Variants in TEAD1 observed in about 807,000 individuals in gnomAD.
TEAD1 encodes the protein TEA domain transcription factor 1.
Under a neutral mutation model 54.9 loss-of-function variants are expected in TEAD1, and 9 were observed. The observed-to-expected ratio is 0.16, with a 90% CI of 0.10 to 0.29. TEAD1 has a LOEUF of 0.29. Among genes scored for constraint, TEAD1 ranks in the 10% least tolerant of loss-of-function variants. The pLI is 1.00. For missense variants in TEAD1, 387 were observed against 535.9 expected (o/e 0.72, Z 2.74); for synonymous variants, 200 against 187.8 (o/e 1.07, Z -0.53).
chr11:12,879,232 G>A (rs961428457), intron 5 of TEAD1, among the ~76,000 whole-genome samples: 1 of 152,198 alleles, frequency 6.6e-6, no homozygotes, highest in Non-Finnish European at 1.5e-5. Context: ...TGGGACCATG[G>A]CCCTGTGACA....
chr11:12,799,387 G>A (rs1219003940), intron 3 of TEAD1, among the ~76,000 whole-genome samples: 3 of 152,136 alleles, frequency 2.0e-5, no homozygotes, highest in Non-Finnish European at 4.4e-5. Context: ...CTAAATGCCT[G>A]TGATTCCCAA....
chr11:12,764,046 G>A (rs1945154052), intron 2 of TEAD1, 133 bp from the exon 3 acceptor site: 2 of 640,392 alleles, frequency 3.1e-6, no homozygotes, highest in Non-Finnish European at 5.2e-6. Flanking sequence ...AAAACCATGT[G>A]TATCCCCAAA....
intron 2 of TEAD1, among the ~76,000 whole-genome samples, chr11:12,754,051 G>A (rs534764036): frequency 6.6e-6 from 1 of 152,268 alleles, no homozygotes; most frequent in South Asian, 2.1e-4. Context: ...ATGTGTATGA[G>A]TTTGTTTCTA....
chr11:12,907,264 T>C (rs1190928411), intron 10 of TEAD1, among the ~76,000 whole-genome samples: 1 of 152,182 alleles, frequency 6.6e-6, no homozygotes, highest in Non-Finnish European at 1.5e-5. Context: ...CATTGAGGTG[T>C]GTTGCAGCTG....
chr11:12,916,390 A>G (rs1469677690), intron 10 of TEAD1, among the ~76,000 whole-genome samples: 1 of 152,144 alleles, frequency 6.6e-6, no homozygotes, highest in Non-Finnish European at 1.5e-5. Context: ...TATTGATTAC[A>G]GACTCTTGTC....
At position 12,742,530 on chromosome 11, in the gene TEAD1, TTAATAA is replaced by T. The variant is rs777077321; in HGVS notation, c.-54-21644_-54-21639del. ...CTGGTGCATAACATGGTGACTGTAG[TTAATAA>T]TAATTATGGTATATTTCAAAATGGC... is the stretch of plus-strand genomic sequence containing the variant. On this transcript the variant is annotated intron_variant, in intron 2 of 12. Coordinates refer to ENST00000527636, the MANE Select transcript of TEAD1 (RefSeq NM_021961.6). Among the ~76,000 whole-genome samples the T allele has an allele frequency of 3.7e-4, 57 of 152,276 alleles. 1 individual carries two copies. Among genetic ancestry groups the T allele is most frequent in the South Asian group, 1.7e-3 (8 of 4,820 alleles).
At chr11:12,917,175 A>G (rs1948730199) in intron 10 of TEAD1, among the ~76,000 whole-genome samples, 1 of 152,286 alleles carries the variant, frequency 6.6e-6, no homozygotes, top group South Asian at 2.1e-4. Flanking sequence ...AGAGGGAGAC[A>G]AAAAAAGACA....
chr11:12,901,898 C>G (rs761687928), intron 9 of TEAD1, 42 bp from the exon 10 acceptor site: 3 of 1,613,694 alleles, frequency 1.9e-6, no homozygotes, highest in Admixed American at 1.7e-5. Flanking sequence ...CCAGGTTGAT[C>G]AAAGAGTTTG....
intron 3 of TEAD1, among the ~76,000 whole-genome samples, chr11:12,804,019 G>A (rs1946118553): frequency 6.6e-6 from 1 of 152,182 alleles, no homozygotes; most frequent in African/African-American, 2.4e-5. Flanking sequence ...GTAATTAGAT[G>A]CCTAAGTATG....
chr11:12,872,283 C>G (rs1291738823), intron 5 of TEAD1, among the ~76,000 whole-genome samples: 1 of 152,188 alleles, frequency 6.6e-6, no homozygotes, highest in African/African-American at 2.4e-5. Context: ...CCACTCTGCT[C>G]CTTCAGGACT....
chr11:12,834,542 G>A (rs1326191629), intron 3 of TEAD1, among the ~76,000 whole-genome samples: 1 of 152,200 alleles, frequency 6.6e-6, no homozygotes, highest in Non-Finnish European at 1.5e-5. Context: ...TATGGGAAGT[G>A]TGTTGCACAA....
rs1946549883 is a variant in TEAD1 at position 12,821,762 on chromosome 11, A to G, written c.203-40488A>G. 2.6e-5 allele frequency among the ~76,000 whole-genome samples: 4 copies of G among 152,208 alleles called. No individual in the cohort carries two copies. In the South Asian group the frequency reaches 8.3e-4, roughly 32 times the overall value. On this transcript the variant is annotated intron_variant, in intron 3 of 12. Transcript: ENST00000527636. ...ACCTGTGTGGAACCTATGGCCGGAT[A>G]TGAATTATCCAGTATTAGCATTGAT... is the stretch of plus-strand genomic sequence containing the variant.
intron 3 of TEAD1, among the ~76,000 whole-genome samples, chr11:12,825,765 A>G (rs1378468715): frequency 6.6e-6 from 1 of 152,222 alleles, no homozygotes; most frequent in East Asian, 1.9e-4. Flanking sequence ...CTTACTACAA[A>G]GCTATACTAT....
At chr11:12,686,592 A>G (rs148201218) in intron 2 of TEAD1, among the ~76,000 whole-genome samples, 26 of 152,130 alleles carry the variant, frequency 1.7e-4, no homozygotes, top group African/African-American at 5.8e-4. Flanking sequence ...ACTGTATGAA[A>G]TTGGGGGATT....
At chr11:12,714,293 G>A (rs35063035) in intron 2 of TEAD1, among the ~76,000 whole-genome samples, 1 of 152,174 alleles carries the variant, frequency 6.6e-6, no homozygotes, top group African/African-American at 2.4e-5. Context: ...AAAGGTCTTA[G>A]AGTGGGATGA....
At chr11:12,924,554 A>T (rs578014901) in intron 10 of TEAD1, among the ~76,000 whole-genome samples, 21 of 152,128 alleles carry the variant, frequency 1.4e-4, no homozygotes, top group Admixed American at 4.6e-4. Flanking sequence ...TGTTTTTTTT[A>T]AAAAATATCT....
In TEAD1 at chr11:12,674,491, C is replaced by A; in HGVS notation, c.-551C>A. On this transcript the variant is annotated 5_prime_UTR_variant, in exon 1 of 13. Coordinates refer to ENST00000527636, the MANE Select transcript of TEAD1 (RefSeq NM_021961.6). ...AGCCGAGCCGAGCCTCTGCTGCCGCCGCCGCGGCCCCGCCGCCCGCCGCGG... is the reference window on the plus strand; with the variant it reads ...AGCCGAGCCGAGCCTCTGCTGCCGCAGCCGCGGCCCCGCCGCCCGCCGCGG... 6.6e-6 allele frequency: 1 copy of A among 151,668 alleles called. No homozygotes were observed. The highest frequency in any genetic ancestry group is 1.9e-4 in the South Asian group (1 of 5,280). The allele number at this position is 151,668 out of a possible 1,614,324, so 9.4% of individuals were successfully genotyped here.
chr11:12,739,740 T>A (rs1944614174), intron 2 of TEAD1, among the ~76,000 whole-genome samples: 1 of 152,174 alleles, frequency 6.6e-6, no homozygotes, highest in Admixed American at 6.5e-5. Context: ...ATTCATGCAT[T>A]TGTCCCTCTC....
rs577784640 is a variant in TEAD1, at chr11:12,943,493, C to A, written c.*6271C>A. 6.6e-6 allele frequency: 1 copy of A among 152,666 alleles called. No homozygotes were observed. Among genetic ancestry groups the A allele is most frequent in the Admixed American group, 6.5e-5 (1 of 15,292 alleles). 9.5% of individuals were successfully genotyped at this position (152,666 alleles called of 1,614,324 possible). A position where few individuals can be genotyped will look rare whatever the true frequency, so the allele number is the denominator to read the frequency against. The stretch of plus-strand genomic sequence containing the variant: ...AAGATGAAATATTTGTATTTATTGT[C>A]CTACTTCCTAAGCCGTAACTTCTTT... On this transcript the variant is annotated 3_prime_UTR_variant, in exon 13 of 13. Coordinates refer to ENST00000527636, the MANE Select transcript of TEAD1 (RefSeq NM_021961.6).
Sources: gnomAD v4.1 joint callset for allele counts (sites outside exome capture counted in the v4.1 genomes callset) on GRCh38, gnomAD v4.1.1 for gene constraint, MANE v1.5 for transcripts, NCBI Gene and HGNC (gene_info 2026-07-23, HGNC 2026-07-21) for gene names.